Variants in DDAH1 observed in about 807,000 individuals in gnomAD.
DDAH1 encodes N(G),N(G)-dimethylarginine dimethylaminohydrolase 1.
DDAH1 carries 19 observed loss-of-function variants against 28.8 expected under a neutral mutation model. That is an observed-to-expected ratio of 0.66 (90% CI 0.46 to 0.97). DDAH1 has a LOEUF of 0.97. DDAH1 is among the 50% of genes least tolerant of loss of function. The pLI is 0.00. For synonymous variants in DDAH1, 153 were observed against 154.4 expected (o/e 0.99, Z 0.07); for missense variants, 326 against 375.9 (o/e 0.87, Z 1.10).
intron 1 of DDAH1, among the ~76,000 whole-genome samples, chr1:85,420,167 A>C (rs2100612784): frequency 6.6e-6 from 1 of 152,176 alleles, no homozygotes; most frequent in African/African-American, 2.4e-5. Flanking sequence ...GAAACCTAGG[A>C]GGGAAGCCTC....
At chr1:85,325,829 A>T (rs1439517907) in intron 4 of DDAH1, among the ~76,000 whole-genome samples, 1 of 152,146 alleles carries the variant, frequency 6.6e-6, no homozygotes, top group African/African-American at 2.4e-5. Context: ...ACAAAAACAA[A>T]TATTATTTGG....
intron 1 of DDAH1, among the ~76,000 whole-genome samples, chr1:85,383,669 CT>C (rs1298658174): frequency 6.6e-6 from 1 of 152,180 alleles, no homozygotes; most frequent in Non-Finnish European, 1.5e-5. Flanking sequence ...ACACAGCAAA[CT>C]TCACTGTTGT....
intron 4 of DDAH1, among the ~76,000 whole-genome samples, chr1:85,341,543 A>C (rs763134424): frequency 4.6e-5 from 7 of 152,110 alleles, no homozygotes; most frequent in Non-Finnish European, 1.0e-4. Flanking sequence ...CGGCTGGGCG[A>C]GGTGGCTCAC....
At chr1:85,512,834 C>G (rs1657296114) in intron 1 of DDAH1, among the ~76,000 whole-genome samples, 1 of 152,104 alleles carries the variant, frequency 6.6e-6, no homozygotes, top group Admixed American at 6.6e-5. Context: ...CAAACCACTG[C>G]TCAATGAAAT....
At chr1:85,457,233 C>CTATTA in intron 1 of DDAH1, among the ~76,000 whole-genome samples, 1 of 152,200 alleles carries the variant, frequency 6.6e-6, no homozygotes, top group African/African-American at 2.4e-5. Context: ...CTTCACTGGA[C>CTATTA]TATTACCCCC....
rs142103063 is a variant in DDAH1, at chr1:85,485,075, C to T, written c.-7+11091G>A. ...GTTAAACTCACATTACATCAGCATG[C>T]TATAGATTCCCATCTTCATCACACT... On this transcript the variant is annotated intron_variant, in intron 2 of 6. Transcript: ENST00000426972. Among the ~76,000 whole-genome samples the T allele has an allele frequency of 7.9e-5, 12 of 152,290 alleles. No individual in the cohort carries two copies. In the East Asian group the frequency reaches 1.9e-3, roughly 24 times the overall value.
chr1:85,414,215 G>C (rs1388152309), intron 1 of DDAH1, among the ~76,000 whole-genome samples: 1 of 151,912 alleles, frequency 6.6e-6, no homozygotes, highest in East Asian at 1.9e-4. Context: ...ACAACAAAGA[G>C]AGCATTGTAG....
intron 1 of DDAH1, among the ~76,000 whole-genome samples, chr1:85,401,559 G>A (rs1358917532): frequency 1.4e-5 from 2 of 139,528 alleles, no homozygotes; most frequent in East Asian, 2.1e-4. Context: ...GAGTACAGTC[G>A]CATGACCAAG....
upstream of DDAH1, among the ~76,000 whole-genome samples, chr1:85,466,409 C>G (rs962725619): frequency 6.6e-6 from 1 of 152,132 alleles, no homozygotes; most frequent in Non-Finnish European, 1.5e-5. Context: ...CGCCACCACT[C>G]GCGGCTAATT....
At chr1:85,352,510 T>TTTG (rs1649274493) in intron 2 of DDAH1, among the ~76,000 whole-genome samples, 1 of 152,192 alleles carries the variant, frequency 6.6e-6, no homozygotes, top group Non-Finnish European at 1.5e-5. Context: ...TTGTGATTGT[T>TTTG]TTGAGCTGTA....
At chr1:85,572,593 AGCCAATGGGAGGCAAAGCC>A (rs1659492143) in intron 1 of DDAH1, among the ~76,000 whole-genome samples, 1 of 152,220 alleles carries the variant, frequency 6.6e-6, no homozygotes, top group Non-Finnish European at 1.5e-5. Flanking sequence ...CTAACCATTT[AGCCAATGGGAGGCAAAGCC>A]CAGGCCCCAT....
intron 1 of DDAH1, among the ~76,000 whole-genome samples, chr1:85,528,623 A>C (rs1570645039): frequency 6.6e-6 from 1 of 152,042 alleles, no homozygotes; most frequent in African/African-American, 2.4e-5. Flanking sequence ...ATTTTTTGCA[A>C]CTTTTCAAAC....
chr1:85,518,285 C>T (rs370588324), intron 1 of DDAH1, among the ~76,000 whole-genome samples: 1 of 152,170 alleles, frequency 6.6e-6, no homozygotes, highest in Non-Finnish European at 1.5e-5. Context: ...ACAACACAGA[C>T]ATTATTTTAC....
intron 1 of DDAH1, among the ~76,000 whole-genome samples, chr1:85,359,274 C>G (rs532261186): frequency 3.9e-5 from 6 of 152,228 alleles, no homozygotes; most frequent in African/African-American, 1.4e-4. Context: ...TGGAGTCTGA[C>G]CAGTTAGCAC....
chr1:85,487,596 A>C (rs988940607), intron 2 of DDAH1, among the ~76,000 whole-genome samples: 1 of 152,216 alleles, frequency 6.6e-6, no homozygotes, highest in Admixed American at 6.5e-5. Context: ...TACTTTAAAA[A>C]AGTAAATTTT....
At chr1:85,425,110 G>A in intron 1 of DDAH1, among the ~76,000 whole-genome samples, 1 of 151,894 alleles carries the variant, frequency 6.6e-6, no homozygotes, top group East Asian at 1.9e-4. Flanking sequence ...ATTTTCATGT[G>A]AGCTGTCATG....
chr1:85,494,259 G>C (rs1656503492), intron 2 of DDAH1: 1 of 152,112 alleles, frequency 6.6e-6, no homozygotes, highest in Non-Finnish European at 1.5e-5. Context: ...GCTCTTAAAG[G>C]CTACATAATA....
chr1:85,398,174 G>C (rs1360814627), intron 1 of DDAH1, among the ~76,000 whole-genome samples: 1 of 152,048 alleles, frequency 6.6e-6, no homozygotes, highest in Non-Finnish European at 1.5e-5. Context: ...CCTTGGTTTG[G>C]CTTCCTAGTG....
chr1:85,383,186 C>T (rs1651085399), intron 1 of DDAH1, among the ~76,000 whole-genome samples: 1 of 152,186 alleles, frequency 6.6e-6, no homozygotes, highest in Non-Finnish European at 1.5e-5. Flanking sequence ...AAGGATTAAT[C>T]ATTCTAGATG....
Sources: allele counts gnomAD v4.1 joint callset (sites outside exome capture counted in the v4.1 genomes callset), GRCh38; gene constraint gnomAD v4.1.1; transcripts MANE v1.5; gene names NCBI Gene and HGNC (gene_info 2026-07-23, HGNC 2026-07-21).